The following VSTM5 variants were observed in gnomAD, a reference collection of about 807,000 sequenced individuals.
VSTM5 encodes V-set and transmembrane domain containing 5, also known as V-set and transmembrane domain-containing protein 5.
VSTM5 carries 21 observed loss-of-function variants against 20.3 expected under a neutral mutation model. That is an observed-to-expected ratio of 1.03 (90% confidence interval 0.73 to 1.49). The LOEUF (loss-of-function observed/expected upper bound fraction) is 1.49, where lower values mean the gene tolerates loss of function less well. Ranked by LOEUF, VSTM5 falls within the 40% of genes most tolerant of loss-of-function variation. VSTM5 has a pLI of 0.00. For missense variants in VSTM5, 219 were observed against 250.0 expected (o/e 0.88, Z 0.84); for synonymous variants, 100 against 102.5 (o/e 0.98, Z 0.14).
chr11:93,842,824 G>C (rs184698051), intron 1 of VSTM5, among the ~76,000 whole-genome samples: 1 of 152,220 alleles, frequency 6.6e-6, no homozygotes, highest in African/African-American at 2.4e-5. Flanking sequence ...ATTCAGGGCC[G>C]GGGACAGCGG....
intron 1 of VSTM5, among the ~76,000 whole-genome samples, chr11:93,826,497 G>A (rs971644799): frequency 6.6e-6 from 1 of 151,616 alleles, no homozygotes; most frequent in East Asian, 2.0e-4. Flanking sequence ...TCCCGGGTTC[G>A]TGCCATTCTC....
rs752525641 is a variant in VSTM5, at chr11:93,839,456, TAG to T, written c.91+10954_91+10955del. On this transcript the variant is annotated intron_variant, in intron 1 of 3. Transcript: ENST00000409977. ...TTTCCCTTGGGTGTCTCCTGCTCCT[TAG>T]AAGTTATTTGGCCTCCCTGAATCTG... Among the ~76,000 whole-genome samples, 9 of 152,222 alleles carry T rather than the reference TAG, an allele frequency of 5.9e-5. No individual in the cohort carries two copies. The South Asian group carries it at 1.0e-3, about 17-fold the overall frequency.
At chr11:93,838,965 C>T (rs1219948099) in intron 1 of VSTM5, among the ~76,000 whole-genome samples, 2 of 152,220 alleles carry the variant, frequency 1.3e-5, no homozygotes, top group East Asian at 3.9e-4. Context: ...ATTTAAGGAG[C>T]TCCTGCTCTT....
At chr11:93,850,262 C>T (rs1944447896) in intron 1 of VSTM5, 150 bp downstream of exon 1, 1 of 571,296 alleles carries the variant, frequency 1.8e-6, no homozygotes, top group Non-Finnish European at 2.9e-6. Context: ...GAGGAAGCGG[C>T]GCGGTGCCTG....
intron 1 of VSTM5, 186 bp from the exon 2 acceptor site, chr11:93,821,509 C>G (rs189124467): frequency 3.3e-5 from 20 of 609,910 alleles, no homozygotes; most frequent in Middle Eastern, 4.3e-4. Context: ...AGATAGAGCT[C>G]TCTACACACA....
intron 1 of VSTM5, among the ~76,000 whole-genome samples, chr11:93,826,254 A>G (rs1215621194): frequency 6.6e-6 from 1 of 152,146 alleles, no homozygotes; most frequent in Non-Finnish European, 1.5e-5. Flanking sequence ...AAATTTAAAA[A>G]TAAATAAAAA....
At chr11:93,832,761 G>A (rs1178803042) in intron 1 of VSTM5, among the ~76,000 whole-genome samples, 1 of 152,182 alleles carries the variant, frequency 6.6e-6, no homozygotes, top group Non-Finnish European at 1.5e-5. Flanking sequence ...CTACTTTACA[G>A]ATGAGAAAAC....
chr11:93,850,533 G>A lies in VSTM5; in HGVS notation c.-31C>T. The A allele has an allele frequency of 6.6e-7, 1 of 1,516,234 alleles. No individual in the cohort carries two copies. Among genetic ancestry groups the A allele is most frequent in the East Asian group, 2.5e-5 (1 of 40,458 alleles). The allele number at this position is 1,516,234 out of a possible 1,614,324, so 93.9% of individuals were successfully genotyped here. On this transcript the variant is annotated 5_prime_UTR_variant, in exon 1 of 4. Transcript: ENST00000409977. ...AGCCCGGGGCCTCGCGGGCCGGGGT[G>A]TGTGCTGGCCGCACCGCGCTGCAGC...
chr11:93,837,011 G>GCACACACACACACACACACA lies in VSTM5; in HGVS notation c.91+13381_91+13400dup, dbSNP rs59949447. On this transcript the variant is annotated intron_variant, in intron 1 of 3. Coordinates refer to ENST00000409977, the MANE Select transcript of VSTM5 (RefSeq NM_001144871.2). ...CTTCTTTTTGCCTGAAAAAAAAAATGCACACACACACACACACACACACAC... is the reference window on the plus strand; with the variant it reads ...CTTCTTTTTGCCTGAAAAAAAAAATGCACACACACACACACACACACACACACACACACACACACACACAC... Among the ~76,000 whole-genome samples, 75 of 140,832 alleles carry GCACACACACACACACACACA rather than the reference G, an allele frequency of 5.3e-4. No individual in the cohort carries two copies. The East Asian group carries it at 5.8e-3, about 11-fold the overall frequency. The allele number at this position is 140,832 out of a possible 152,430, so 92.4% of individuals were successfully genotyped here. A position where few individuals can be genotyped will look rare whatever the true frequency, so the allele number is the denominator to read the frequency against.
rs1944147900 is a variant in VSTM5, at chr11:93,818,337, T to A, written c.*2232A>T. On this transcript the variant is annotated 3_prime_UTR_variant, in exon 4 of 4. Coordinates refer to ENST00000409977, the MANE Select transcript of VSTM5 (RefSeq NM_001144871.2). ...TACACTAGCTAATCTCTAAGATTTT[T>A]ATTTTTCTGAAAAGCAAAAACCTCA... is the stretch of plus-strand genomic sequence containing the variant. 1 of 152,200 alleles carries A rather than the reference T, an allele frequency of 6.6e-6. No homozygotes were observed. The highest frequency in any genetic ancestry group is 2.4e-5 in the African/African-American group (1 of 41,462). The allele number at this position is 152,200 out of a possible 1,614,324, so 9.4% of individuals were successfully genotyped here.
At chr11:93,834,115 TCTA>T (rs1311035940) in intron 1 of VSTM5, among the ~76,000 whole-genome samples, 1 of 152,120 alleles carries the variant, frequency 6.6e-6, no homozygotes, top group Non-Finnish European at 1.5e-5. Context: ...CTAACAATGT[TCTA>T]CTCTTTCTCT....
At chr11:93,831,515 T>C (rs1451645983) in intron 1 of VSTM5, among the ~76,000 whole-genome samples, 3 of 152,226 alleles carry the variant, frequency 2.0e-5, no homozygotes, top group Non-Finnish European at 4.4e-5. Flanking sequence ...CCATACCTCC[T>C]GTGAGCTCAG....
In VSTM5 at chr11:93,818,487, G is replaced by GT. The variant is rs1399439529; in HGVS notation, c.*2081dup. The GT allele has an allele frequency of 7.5e-6, 1 of 133,502 alleles. No homozygotes were observed. The highest frequency in any genetic ancestry group is 1.6e-5 in the Non-Finnish European group (1 of 63,956). 8.3% of individuals were successfully genotyped at this position (133,502 alleles called of 1,614,324 possible). ...AGAAGCTTTTTTTAAAAAAAACATT[G>GT]TAACTTCCCACACTACTGATGTGAA... On this transcript the variant is annotated 3_prime_UTR_variant, in exon 4 of 4. Transcript: ENST00000409977.
At chr11:93,837,086 T>G (rs1944329385) in intron 1 of VSTM5, among the ~76,000 whole-genome samples, 1 of 151,250 alleles carries the variant, frequency 6.6e-6, no homozygotes, top group Non-Finnish European at 1.5e-5. Flanking sequence ...GGCTGGAGTG[T>G]AGTGTCATGA....
chr11:93,850,376 G>T (rs899606564), intron 1 of VSTM5, 36 bp downstream of exon 1: 1 of 1,436,730 alleles, frequency 7.0e-7, no homozygotes, highest in Non-Finnish European at 9.4e-7. Flanking sequence ...ACCCATTCCC[G>T]CTCCCCCAGC....
At chr11:93,848,503 C>T (rs191676680) in intron 1 of VSTM5, among the ~76,000 whole-genome samples, 84 of 152,318 alleles carry the variant, frequency 5.5e-4, no homozygotes, top group African/African-American at 1.9e-3. Context: ...TTGTCTGGTA[C>T]ACCCTGCATT....
chr11:93,821,596 CA>C (rs1944186884), intron 1 of VSTM5: 1 of 447,918 alleles, frequency 2.2e-6, no homozygotes, highest in South Asian at 2.5e-5. Context: ...ACCTTTGTAG[CA>C]AGGTGGACTA....
chr11:93,820,676 C>T, intron 3 of VSTM5, 64 bp from the exon 4 acceptor site: 1 of 1,551,522 alleles, frequency 6.4e-7, no homozygotes, highest in Non-Finnish European at 8.7e-7. Context: ...TTCGTGAGAA[C>T]AAGATAACAC....
chr11:93,829,216 A>G (rs1944261914), intron 1 of VSTM5, among the ~76,000 whole-genome samples: 1 of 152,224 alleles, frequency 6.6e-6, no homozygotes, highest in Non-Finnish European at 1.5e-5. Context: ...GGCTAAAATC[A>G]GGACCGTCAT....
Sources: allele counts gnomAD v4.1 joint callset (sites outside exome capture counted in the v4.1 genomes callset), GRCh38; gene constraint gnomAD v4.1.1; transcripts MANE v1.5; gene names NCBI Gene and HGNC (gene_info 2026-07-23, HGNC 2026-07-21).